The following UMODL1 variants were observed in gnomAD, a reference collection of about 807,000 sequenced individuals.
The protein encoded by UMODL1 is uromodulin like 1, also known as uromodulin-like 1.
In UMODL1, 128 loss-of-function variants were observed where a neutral mutation model predicts 136.3. The ratio of observed to expected loss-of-function variants is 0.94; its 90% CI spans 0.81 to 1.09. The LOEUF is 1.09. Ranked by LOEUF, UMODL1 falls within the 50% of genes least tolerant of loss-of-function variation. The pLI is 0.00. For missense variants in UMODL1, 1,766 were observed against 1,725.6 expected (o/e 1.02, Z -0.41); for synonymous variants, 721 against 720.0 (o/e 1.00, Z -0.02).
intron 19 of UMODL1, 76 bp from the exon 20 acceptor site, chr21:42,127,590 TGTAGTC>T: frequency 6.9e-7 from 1 of 1,447,642 alleles, no homozygotes. Context: ...TGTCGTCAGA[TGTAGTC>T]GTGAGTAAAC....
chr21:42,085,340 G>C lies in UMODL1; in HGVS notation c.531G>C (p.Val177=). The change falls in exon 4 of 23, where the codon GTG becomes GTC. Residue 177 remains valine (V), a synonymous_variant. Transcript: ENST00000408910. The surrounding 1 kb of genome is among the most constrained non-coding windows in gnomAD (Gnocchi z 4.5). ...VGSWYNVTIL[V]KMDFKELQQV... is the part of the protein sequence containing the mutation. ...CCTGGTACAACGTCACCATACTGGTGAAAATGGACTTCAAGGAACTCCAGC... is the reference window on the plus strand; with the variant it reads ...CCTGGTACAACGTCACCATACTGGTCAAAATGGACTTCAAGGAACTCCAGC... 6.2e-7 allele frequency: 1 copy of C among 1,614,068 alleles called. No homozygotes were observed. Among genetic ancestry groups the C allele is most frequent in the Non-Finnish European group, 8.5e-7 (1 of 1,179,986 alleles).
intron 21 of UMODL1, among the ~76,000 whole-genome samples, chr21:42,131,289 ACTT>A (rs755448894): frequency 2.0e-5 from 3 of 151,936 alleles, no homozygotes; most frequent in Non-Finnish European, 2.9e-5. Flanking sequence ...CTGTATGAGA[ACTT>A]CTGGGGTTTG....
At chr21:42,067,357 C>T (rs1569135337), upstream of UMODL1, among the ~76,000 whole-genome samples, 1 of 152,180 alleles carries the variant, frequency 6.6e-6, no homozygotes. Flanking sequence ...AAAATACACT[C>T]TAGTTCTAGA....
At chr21:42,130,664 T>C (rs897074145) in intron 21 of UMODL1, among the ~76,000 whole-genome samples, 7 of 152,198 alleles carry the variant, frequency 4.6e-5, no homozygotes, top group African/African-American at 1.7e-4. Context: ...TGACAACTTT[T>C]AGAGGTGCAC....
intron 15 of UMODL1, among the ~76,000 whole-genome samples, chr21:42,119,746 T>G (rs754325308): frequency 8.5e-5 from 13 of 152,208 alleles, no homozygotes; most frequent in Non-Finnish European, 1.9e-4. Context: ...CTATCATACT[T>G]GAACATAAAT....
At chr21:42,120,636 C>G (rs1220580488) in intron 15 of UMODL1, 1 of 153,972 alleles carries the variant, frequency 6.5e-6, no homozygotes, top group Non-Finnish European at 1.4e-5. Context: ...CCACGCTTTT[C>G]TGGTTCTTAT....
At position 42,110,865 on chromosome 21, in the gene UMODL1, G is replaced by T; in HGVS notation, c.1658-15G>T. On this transcript the variant is annotated splice_polypyrimidine_tract_variant and intron_variant, in intron 10 of 22. Transcript: ENST00000408910. ...TGGGATCCAGCAGGCTCTGACAGTG[G>T]ATGTGTCTTGGCAGGTGACCTGGTG... 1 of 1,589,478 alleles carries T rather than the reference G, an allele frequency of 6.3e-7. No homozygotes were observed. The highest frequency in any genetic ancestry group is 8.6e-7 in the Non-Finnish European group (1 of 1,168,280).
intron 1 of UMODL1, among the ~76,000 whole-genome samples, chr21:42,065,901 A>G (rs1293547964): frequency 2.0e-5 from 3 of 152,054 alleles, no homozygotes; most frequent in Non-Finnish European, 4.4e-5. Context: ...CTGGCACCCT[A>G]TTCTCCAGAC....
Position 42,097,633 on chromosome 21 carries a change from A to C in UMODL1, c.932-1293A>C, listed in dbSNP as rs115787349. 9.2e-3 allele frequency among the ~76,000 whole-genome samples: 1,409 copies of C among 152,362 alleles called. 24 individuals carry two copies. Among genetic ancestry groups the C allele is most frequent in the African/African-American group, 0.032 (1,343 of 41,572 alleles). The stretch of plus-strand genomic sequence containing the variant: ...AGTCCTTACAGAAAAGGCTTTGGGA[A>C]GCCACACATTATAAAATTATTATTT... On this transcript the variant is annotated intron_variant, in intron 6 of 22. Coordinates refer to ENST00000408910, the MANE Select transcript of UMODL1 (RefSeq NM_001004416.3).
intron 17 of UMODL1, among the ~76,000 whole-genome samples, chr21:42,124,609 G>A (rs758667188): frequency 1.1e-4 from 16 of 152,130 alleles, no homozygotes; most frequent in Non-Finnish European, 2.2e-4. Flanking sequence ...AAGTGGGGCT[G>A]TGGATGGGGC....
chr21:42,087,939 T>C (rs1353012254), intron 4 of UMODL1, among the ~76,000 whole-genome samples: 1 of 152,220 alleles, frequency 6.6e-6, no homozygotes, highest in Non-Finnish European at 1.5e-5. Context: ...TTCCCCTTTT[T>C]GTGAGGGCAC....
chr21:42,113,667 C>A lies in UMODL1; in HGVS notation c.2199C>A (p.Phe733Leu). ...CGGATCTTGCTATGGACTCCACCTT[C>A]CAGCTCACTCTGACTTCCATGTGGA... The part of the protein sequence containing the change: ...WEADLAMDST[F>L]QLTLTSMWSP... The change falls in exon 13 of 23, where the codon TTC (phenylalanine) becomes TTA (leucine). Residue 733 changes from phenylalanine (F) to leucine (L), a missense_variant. By Grantham distance (22) the Phe-to-Leu change is conservative. Transcript: ENST00000408910. 6.2e-7 allele frequency: 1 copy of A among 1,614,112 alleles called. No individual in the cohort carries two copies. Among genetic ancestry groups the A allele is most frequent in the Admixed American group, 1.7e-5 (1 of 60,030 alleles).
intron 5 of UMODL1, among the ~76,000 whole-genome samples, chr21:42,089,099 C>T (rs955334721): frequency 1.3e-5 from 2 of 152,130 alleles, no homozygotes; most frequent in Non-Finnish European, 2.9e-5. Flanking sequence ...CTTTGCGGGC[C>T]CACGTGGTCT....
At chr21:42,095,092 T>TTTTTTTTTTTTTG (rs2066540481) in intron 6 of UMODL1, among the ~76,000 whole-genome samples, 1 of 114,474 alleles carries the variant, frequency 8.7e-6, no homozygotes, top group Non-Finnish European at 1.8e-5. Flanking sequence ...TTCTGCTGTT[T>TTTTTTTTTTTTTG]TTTTTTTTTT....
intron 14 of UMODL1, among the ~76,000 whole-genome samples, chr21:42,118,857 G>A (rs1338433340): frequency 6.8e-6 from 1 of 146,100 alleles, no homozygotes; most frequent in Non-Finnish European, 1.5e-5. Flanking sequence ...CGCCCCACAG[G>A]CATCTTTCTG....
chr21:42,125,775 G>A (rs1399487170), intron 17 of UMODL1, among the ~76,000 whole-genome samples: 1 of 152,148 alleles, frequency 6.6e-6, no homozygotes, highest in Admixed American at 6.5e-5. Context: ...CTCTTGCAGG[G>A]CTGCGGGGCC....
chr21:42,097,512 G>T lies in UMODL1; in HGVS notation c.932-1414G>T, dbSNP rs192764555. Among the ~76,000 whole-genome samples, 332 of 152,042 alleles carry T rather than the reference G, an allele frequency of 2.2e-3. 1 individual carries two copies. Among genetic ancestry groups the T allele is most frequent in the African/African-American group, 7.0e-3 (291 of 41,448 alleles). ...AGGGAAATGAGTTGGACAGTGTTGG[G>T]TTTTTTTTGTTTTTGTTTTTGTTAT... is the stretch of plus-strand genomic sequence containing the variant. On this transcript the variant is annotated intron_variant, in intron 6 of 22. Transcript: ENST00000408910.
chr21:42,113,475 C>T (rs1380201456), intron 12 of UMODL1, 98 bp from the exon 13 acceptor site: 3 of 1,463,940 alleles, frequency 2.0e-6, no homozygotes, highest in Non-Finnish European at 1.9e-6. Context: ...TCGCTCATGT[C>T]CCCATGGTGA....
chr21:42,107,250 C>A lies in UMODL1; in HGVS notation c.1520-2312C>A, dbSNP rs185675939. Among the ~76,000 whole-genome samples the A allele has an allele frequency of 2.8e-3, 428 of 152,336 alleles. 2 individuals carry two copies. Among genetic ancestry groups the A allele is most frequent in the Middle Eastern group, 0.01 (3 of 294 alleles). On this transcript the variant is annotated intron_variant, in intron 9 of 22. Transcript: ENST00000408910. ...GCTTCTATGAGGCACCGCTGTGAACCCTCTGCACCGACCTTAGCCAGAGGA... is the reference window on the plus strand; with the variant it reads ...GCTTCTATGAGGCACCGCTGTGAACACTCTGCACCGACCTTAGCCAGAGGA...
Sources: gnomAD v4.1 joint callset for allele counts (sites outside exome capture counted in the v4.1 genomes callset) on GRCh38, gnomAD v4.1.1 for gene constraint, Gnocchi (gnomAD v3.1) non-coding constraint, MANE v1.5 for transcripts, NCBI Gene and HGNC (gene_info 2026-07-23, HGNC 2026-07-21) for gene names.